OSBPL8: variants seen among roughly 807,000 people sequenced by gnomAD.
OSBPL8 encodes oxysterol binding protein like 8, also known as oxysterol-binding protein-related protein 8.
In OSBPL8, 59 loss-of-function variants were observed where a neutral mutation model predicts 125.5. That is an observed-to-expected ratio of 0.47 (90% CI 0.38 to 0.58). The LOEUF is 0.58. Among genes scored for constraint, OSBPL8 ranks in the 20% least tolerant of loss-of-function variants. The pLI is 0.00. For synonymous variants in OSBPL8, 330 were observed against 338.9 expected (o/e 0.97, Z 0.29); for missense variants, 758 against 1,047.8 (o/e 0.72, Z 3.82).
At chr12:76,373,485 T>C (rs1158244354) in intron 17 of OSBPL8, 52 bp from the exon 18 acceptor site, 2 of 1,367,492 alleles carry the variant, frequency 1.5e-6, no homozygotes, top group Non-Finnish European at 2.0e-6. Context: ...TATTTACATA[T>C]AATGTAAAAC....
chr12:76,449,963 C>G (rs771326923), intron 4 of OSBPL8, among the ~76,000 whole-genome samples: 7 of 151,602 alleles, frequency 4.6e-5, no homozygotes, highest in Non-Finnish European at 1.0e-4. Flanking sequence ...ATGTATAAAC[C>G]CCCCCCATAT....
chr12:76,467,309 T>TC (rs577158943), intron 2 of OSBPL8, among the ~76,000 whole-genome samples: 163 of 152,306 alleles, frequency 1.1e-3, no homozygotes, highest in African/African-American at 3.6e-3. Context: ...TCCTGCAGGT[T>TC]CCATTGATGC....
At chr12:76,411,670 G>T (rs974221200) in intron 4 of OSBPL8, among the ~76,000 whole-genome samples, 2 of 151,374 alleles carry the variant, frequency 1.3e-5, no homozygotes, top group Non-Finnish European at 2.9e-5. Flanking sequence ...TCCTTCTCTG[G>T]TAAGAAAAAA....
chr12:76,372,813 G>T (rs1015769661), intron 18 of OSBPL8, among the ~76,000 whole-genome samples: 1 of 152,144 alleles, frequency 6.6e-6, no homozygotes. Flanking sequence ...TCCTTTCCAT[G>T]TTCCACTGAA....
At position 76,482,244 on chromosome 12, in the gene OSBPL8, G is replaced by C. The variant is rs572760135; in HGVS notation, c.42+5266C>G. ...AAAATCAATTTTTAATACAATAAAA[G>C]ATTTTGCCCTCTAATAAAACTTATG... On this transcript the variant is annotated intron_variant, in intron 2 of 23. Coordinates refer to ENST00000261183, the MANE Select transcript of OSBPL8 (RefSeq NM_020841.5). 2.0e-5 allele frequency among the ~76,000 whole-genome samples: 3 copies of C among 152,236 alleles called. No individual in the cohort carries two copies. The South Asian group carries it at 6.2e-4, about 32-fold the overall frequency.
chr12:76,477,494 G>T (rs1876950154), intron 2 of OSBPL8, among the ~76,000 whole-genome samples: 1 of 151,934 alleles, frequency 6.6e-6, no homozygotes, highest in Admixed American at 6.6e-5. Context: ...CCAGTTCAGG[G>T]ATACTATGTA....
In OSBPL8 at chr12:76,394,868, A is replaced by G. The variant is rs372505064; in HGVS notation, c.673-139T>C. 9 of 561,514 alleles carry G rather than the reference A, an allele frequency of 1.6e-5. No individual in the cohort carries two copies. In the East Asian group the frequency reaches 1.7e-4, roughly 11 times the overall value. 34.8% of individuals were successfully genotyped at this position (561,514 alleles called of 1,614,324 possible). A position where few individuals can be genotyped will look rare whatever the true frequency, so the allele number is the denominator to read the frequency against. On this transcript the variant is annotated intron_variant, in intron 8 of 23. Transcript: ENST00000261183. ...AAGGCAAATGAGCTTTAATTTCATC[A>G]TTCTTGAGAATGCAAATGTTAAGTA...
At chr12:76,557,825 TTGAC>T (rs1951154586) in intron 1 of OSBPL8, among the ~76,000 whole-genome samples, 1 of 152,172 alleles carries the variant, frequency 6.6e-6, no homozygotes, top group African/African-American at 2.4e-5. Context: ...AAAAACATAT[TTGAC>T]TGTCTTTAAA....
rs1588651 is a variant in OSBPL8 at position 76,518,600 on chromosome 12, C to A, written c.-67-30982G>T. Among the ~76,000 whole-genome samples, 287 of 152,346 alleles carry A rather than the reference C, an allele frequency of 1.9e-3. 1 individual carries two copies. The highest frequency in any genetic ancestry group is 6.4e-3 in the African/African-American group (268 of 41,572). On this transcript the variant is annotated intron_variant, in intron 1 of 23. Transcript: ENST00000261183. ...CCCTAGTAGAGGTTCTCTGTGAGGG[C>A]TCCACCCCTGAGGCAGGCTTAGCCT...
chr12:76,546,815 G>T (rs765742109), intron 1 of OSBPL8, among the ~76,000 whole-genome samples: 12 of 152,108 alleles, frequency 7.9e-5, no homozygotes, highest in Non-Finnish European at 1.6e-4. Flanking sequence ...AAGGTAACAA[G>T]ATCATCAGTA....
At chr12:76,366,436 T>C (rs1376084486) in intron 21 of OSBPL8, 1 of 285,164 alleles carries the variant, frequency 3.5e-6, no homozygotes, top group Non-Finnish European at 7.0e-6. Flanking sequence ...TCTTTCTTGC[T>C]TCCTTAGCCT....
intron 17 of OSBPL8, among the ~76,000 whole-genome samples, chr12:76,374,308 C>A (rs770699437): frequency 6.6e-6 from 1 of 152,116 alleles, no homozygotes; most frequent in Non-Finnish European, 1.5e-5. Flanking sequence ...CTTGACAATA[C>A]GTACCCTCTC....
intron 1 of OSBPL8, among the ~76,000 whole-genome samples, chr12:76,491,207 A>G (rs898886734): frequency 6.7e-4 from 102 of 152,318 alleles, no homozygotes; most frequent in African/African-American, 2.4e-3. Context: ...GATTTAGAAT[A>G]CTACATAAAT....
At chr12:76,519,012 T>C (rs930738354) in intron 1 of OSBPL8, among the ~76,000 whole-genome samples, 3 of 152,202 alleles carry the variant, frequency 2.0e-5, no homozygotes, top group African/African-American at 7.2e-5. Context: ...CTCTAGCAAG[T>C]GGTTGCTCCA....
intron 4 of OSBPL8, among the ~76,000 whole-genome samples, chr12:76,442,564 C>A (rs571150044): frequency 1.1e-4 from 16 of 152,036 alleles, no homozygotes; most frequent in Admixed American, 2.0e-4. Context: ...AAGAAAACAA[C>A]CTCTGGCTAC....
intron 21 of OSBPL8, among the ~76,000 whole-genome samples, chr12:76,365,278 C>T (rs1952373784): frequency 6.6e-6 from 1 of 152,168 alleles, no homozygotes; most frequent in Non-Finnish European, 1.5e-5. Flanking sequence ...TACCTGAGAA[C>T]ATGAGGTGTC....
intron 2 of OSBPL8, among the ~76,000 whole-genome samples, chr12:76,465,138 C>T (rs967916522): frequency 2.6e-5 from 4 of 152,162 alleles, no homozygotes; most frequent in Non-Finnish European, 4.4e-5. Context: ...GGAACTACAG[C>T]TTATCACTGT....
intron 1 of OSBPL8, among the ~76,000 whole-genome samples, chr12:76,525,947 A>G (rs988063214): frequency 6.6e-6 from 1 of 152,232 alleles, no homozygotes; most frequent in Non-Finnish European, 1.5e-5. Context: ...CCCTGAAGGG[A>G]GAGTTACTAC....
chr12:76,526,181 A>G lies in OSBPL8; in HGVS notation c.-68+33216T>C, dbSNP rs545287279. Among the ~76,000 whole-genome samples the G allele has an allele frequency of 3.3e-5, 5 of 152,378 alleles. No homozygotes were observed. In the South Asian group the frequency reaches 8.3e-4, roughly 25 times the overall value. ...AACAAATTTCTACATAGAGTATTAC[A>G]TGTCGTCTTATGACAGACGTTTTAA... On this transcript the variant is annotated intron_variant, in intron 1 of 23. Coordinates refer to ENST00000261183, the MANE Select transcript of OSBPL8 (RefSeq NM_020841.5).
Sources: gnomAD v4.1 joint callset for allele counts (sites outside exome capture counted in the v4.1 genomes callset) on GRCh38, gnomAD v4.1.1 for gene constraint, MANE v1.5 for transcripts, NCBI Gene and HGNC (gene_info 2026-07-23, HGNC 2026-07-21) for gene names.